AGBL4: variants seen among roughly 807,000 people sequenced by gnomAD.
AGBL4 encodes the protein cytosolic carboxypeptidase 6.
Under a neutral mutation model 66.4 loss-of-function variants are expected in AGBL4, and 58 were observed. That is an observed-to-expected ratio of 0.87 (90% CI 0.71 to 1.09). The LOEUF (loss-of-function observed/expected upper bound fraction) is 1.09. Among genes scored for constraint, AGBL4 ranks in the 50% least tolerant of loss-of-function variants. The pLI, the probability that AGBL4 is intolerant of heterozygous loss-of-function variation, is 0.00. For missense variants in AGBL4, 579 were observed against 631.0 expected, an observed-to-expected ratio of 0.92 and a Z score of 0.88; for synonymous variants, 234 against 222.9, an observed-to-expected ratio of 1.05 and a Z score of -0.44.
chr1:49,530,332 G>A (rs1651037504), intron 3 of AGBL4, among the ~76,000 whole-genome samples: 1 of 142,324 alleles, frequency 7.0e-6, no homozygotes, highest in Non-Finnish European at 1.5e-5. Context: ...GGGTACATGT[G>A]CACAACGTGC....
chr1:48,850,742 C>A (rs372538642), intron 6 of AGBL4, among the ~76,000 whole-genome samples: 309 of 152,238 alleles, frequency 2.0e-3, no homozygotes, highest in African/African-American at 7.0e-3. Flanking sequence ...ATCTCAAACT[C>A]CTGGGCTCAA....
intron 3 of AGBL4, among the ~76,000 whole-genome samples, chr1:49,682,756 T>C (rs532366111): frequency 6.6e-6 from 1 of 152,340 alleles, no homozygotes; most frequent in South Asian, 2.1e-4. Flanking sequence ...TCATATTATT[T>C]AACAAGGGTT....
At chr1:49,935,336 C>G (rs1653858032) in intron 1 of AGBL4, among the ~76,000 whole-genome samples, 1 of 152,220 alleles carries the variant, frequency 6.6e-6, no homozygotes, top group Non-Finnish European at 1.5e-5. Flanking sequence ...CCGGGAAGCT[C>G]GAACTGGGTG....
In AGBL4 at chr1:49,103,694, T is replaced by C. The variant is rs77218381; in HGVS notation, c.378-57894A>G. Among the ~76,000 whole-genome samples the C allele has an allele frequency of 3.9e-5, 6 of 152,294 alleles. No individual in the cohort carries two copies. The East Asian group carries it at 1.2e-3, about 29-fold the overall frequency. ...TCCTTATGGAATAGGTAACTGGTAC[T>C]TGTGTTACTAAGAAGATTCTACACA... On this transcript the variant is annotated intron_variant, in intron 4 of 13. Transcript: ENST00000371839.
chr1:49,204,943 C>G (rs1186198366), intron 4 of AGBL4, among the ~76,000 whole-genome samples: 1 of 152,092 alleles, frequency 6.6e-6, no homozygotes, highest in Non-Finnish European at 1.5e-5. Context: ...CAGGGTCATA[C>G]AGCTAGTGAT....
intron 5 of AGBL4, among the ~76,000 whole-genome samples, chr1:48,945,435 C>T (rs1288868414): frequency 2.0e-5 from 3 of 152,154 alleles, no homozygotes; most frequent in South Asian, 2.1e-4. Flanking sequence ...CATCCCATTT[C>T]CTGCTGCATT....
At chr1:49,925,942 CAGG>C (rs1652722469) in intron 1 of AGBL4, among the ~76,000 whole-genome samples, 1 of 152,168 alleles carries the variant, frequency 6.6e-6, no homozygotes, top group Non-Finnish European at 1.5e-5. Flanking sequence ...ACCTGGAGCA[CAGG>C]AGAACTTGCC....
chr1:49,274,316 A>T (rs545334181), intron 3 of AGBL4, among the ~76,000 whole-genome samples: 1 of 152,158 alleles, frequency 6.6e-6, no homozygotes, highest in Admixed American at 6.5e-5. Context: ...GATATATTGG[A>T]ATTATATAGT....
chr1:49,157,431 A>G (rs1569865671), intron 4 of AGBL4, among the ~76,000 whole-genome samples: 1 of 152,158 alleles, frequency 6.6e-6, no homozygotes, highest in Admixed American at 6.5e-5. Flanking sequence ...TTATGGCTGC[A>G]TAGTATTCCA....
In AGBL4 at chr1:49,741,915, C is replaced by A. The variant is rs1216956388; in HGVS notation, c.158-44478G>T. Among the ~76,000 whole-genome samples the A allele has an allele frequency of 3.9e-5, 6 of 152,062 alleles. No homozygotes were observed. The South Asian group carries it at 1.2e-3, about 32-fold the overall frequency. On this transcript the variant is annotated intron_variant, in intron 2 of 13. Transcript: ENST00000371839. Reference sequence around the variant, plus strand: ...GGGACGTATCTCAAAATAATAAGAGCTATCTATGACAAACCCACAGCCAAT... The same window carrying A: ...GGGACGTATCTCAAAATAATAAGAGATATCTATGACAAACCCACAGCCAAT...
chr1:50,007,388 A>G (rs1425675459), intron 1 of AGBL4, among the ~76,000 whole-genome samples: 1 of 152,222 alleles, frequency 6.6e-6, no homozygotes, highest in Non-Finnish European at 1.5e-5. Flanking sequence ...TTGAATATAA[A>G]TGGACTAAAC....
At chr1:48,897,108 C>G (rs1437122310) in intron 5 of AGBL4, among the ~76,000 whole-genome samples, 3 of 152,156 alleles carry the variant, frequency 2.0e-5, no homozygotes, top group Admixed American at 6.6e-5. Context: ...AATAAATACA[C>G]TTATATCCTT....
chr1:49,067,334 G>C (rs1336360875), intron 4 of AGBL4, among the ~76,000 whole-genome samples: 1 of 152,154 alleles, frequency 6.6e-6, no homozygotes, highest in African/African-American at 2.4e-5. Context: ...TCACACACTT[G>C]CTTAAAACCT....
At chr1:49,790,718 G>A (rs528447087) in intron 2 of AGBL4, among the ~76,000 whole-genome samples, 1 of 152,224 alleles carries the variant, frequency 6.6e-6, no homozygotes, top group Non-Finnish European at 1.5e-5. Flanking sequence ...AAAAACAGAG[G>A]GGATTCAGTG....
intron 6 of AGBL4, chr1:48,818,176 A>T (rs1646229111): frequency 1.4e-6 from 1 of 717,102 alleles, no homozygotes; most frequent in South Asian, 1.5e-5. Flanking sequence ...TGGAAAGGCC[A>T]CCATTCTCCT....
chr1:49,683,765 T>C (rs1302938701), intron 3 of AGBL4, among the ~76,000 whole-genome samples: 2 of 152,160 alleles, frequency 1.3e-5, no homozygotes, highest in African/African-American at 2.4e-5. Flanking sequence ...TCATCAAGAA[T>C]GAATCCCAAA....
At chr1:49,114,853 G>C (rs1645483754) in intron 4 of AGBL4, among the ~76,000 whole-genome samples, 1 of 152,058 alleles carries the variant, frequency 6.6e-6, no homozygotes. Flanking sequence ...ATGGTTTGTA[G>C]CACCCCAAAA....
chr1:49,984,822 T>C (rs1042810983), intron 1 of AGBL4, among the ~76,000 whole-genome samples: 1 of 152,204 alleles, frequency 6.6e-6, no homozygotes, highest in East Asian at 1.9e-4. Flanking sequence ...TAAATGAGTC[T>C]GAGACTCAGC....
chr1:48,948,714 AG>A (rs1656722122), intron 5 of AGBL4, among the ~76,000 whole-genome samples: 1 of 152,228 alleles, frequency 6.6e-6, no homozygotes, highest in African/African-American at 2.4e-5. Context: ...TAACTACAGT[AG>A]TCACTCCTTT....
Sources: allele counts gnomAD v4.1 joint callset (sites outside exome capture counted in the v4.1 genomes callset), GRCh38; gene constraint gnomAD v4.1.1; transcripts MANE v1.5; gene names NCBI Gene and HGNC (gene_info 2026-07-23, HGNC 2026-07-21).